The following PRMT3 variants were observed in gnomAD, a reference collection of about 807,000 sequenced individuals.
PRMT3 encodes protein arginine N-methyltransferase 3.
In PRMT3, 62 loss-of-function variants were observed where a neutral mutation model predicts 71.9. The observed-to-expected ratio is 0.86, with a 90% CI of 0.70 to 1.07. The LOEUF (loss-of-function observed/expected upper bound fraction) is 1.07. PRMT3 is among the 50% of genes least tolerant of loss of function. The pLI is 0.00. For synonymous variants in PRMT3, 213 were observed against 220.4 expected, an observed-to-expected ratio of 0.97 and a Z score of 0.30; for missense variants, 663 against 643.0, an observed-to-expected ratio of 1.03 and a Z score of -0.34.
chr11:20,467,858 T>G (rs1226774850), intron 13 of PRMT3, among the ~76,000 whole-genome samples: 1 of 152,204 alleles, frequency 6.6e-6, no homozygotes, highest in Non-Finnish European at 1.5e-5. Flanking sequence ...AGGTGTTCAT[T>G]ATTTGTGAAT....
At chr11:20,389,931 C>A in intron 3 of PRMT3, 105 bp downstream of exon 3, 1 of 795,206 alleles carries the variant, frequency 1.3e-6, no homozygotes. Flanking sequence ...GTGGGTGGAT[C>A]ACTTTAGGTC....
intron 10 of PRMT3, among the ~76,000 whole-genome samples, chr11:20,428,760 GGAAACACTA>G (rs1849597309): frequency 6.6e-6 from 1 of 152,178 alleles, no homozygotes; most frequent in Admixed American, 6.5e-5. Context: ...GAACCCAATG[GGAAACACTA>G]GAAACACTAA....
intron 13 of PRMT3, among the ~76,000 whole-genome samples, chr11:20,479,501 G>A (rs950757366): frequency 2.6e-5 from 4 of 152,110 alleles, no homozygotes; most frequent in African/African-American, 9.7e-5. Flanking sequence ...TGTGATAAGG[G>A]CATTCTAGTT....
In PRMT3 at chr11:20,407,899, T is replaced by G. The variant is rs1484341075; in HGVS notation, c.772-12T>G. ...CATCTGTTTTGTTTTGGTTTTTTCTTAATTACCCTAGGTAGTTTTGGATGT... is the reference window on the plus strand; with the variant it reads ...CATCTGTTTTGTTTTGGTTTTTTCTGAATTACCCTAGGTAGTTTTGGATGT... On this transcript the variant is annotated splice_polypyrimidine_tract_variant and intron_variant, in intron 8 of 15. Coordinates refer to ENST00000331079, the MANE Select transcript of PRMT3 (RefSeq NM_005788.4). 1.3e-6 allele frequency: 2 copies of G among 1,599,386 alleles called. No individual in the cohort carries two copies. The highest frequency in any genetic ancestry group is 4.5e-5 in the East Asian group (2 of 44,750).
In PRMT3 at chr11:20,392,922, C is replaced by T. The variant is rs1195061889; in HGVS notation, c.323C>T (p.Ser108Phe). 6.3e-7 allele frequency: 1 copy of T among 1,599,344 alleles called. No individual in the cohort carries two copies. Among genetic ancestry groups the T allele is most frequent in the Admixed American group, 1.7e-5 (1 of 59,900 alleles). ...LKNPTVEYMNSIYNPVPWEKE... is the reference protein window; with the variant it reads ...LKNPTVEYMNFIYNPVPWEKE... Reference sequence around the variant, plus strand: ...AATCCTACAGTTGAGTACATGAATTCCATATACAACCCAGTGCCTTGGGAG... The same window carrying T: ...AATCCTACAGTTGAGTACATGAATTTCATATACAACCCAGTGCCTTGGGAG... The change falls in exon 5 of 16, where the codon TCC becomes TTC. Residue 108 changes from serine (S) to phenylalanine (F), a missense_variant. Ser to Phe is a radical substitution (Grantham distance 155). Transcript: ENST00000331079.
rs1378493838 is a variant in PRMT3, at chr11:20,389,697, A to G, written c.165-47A>G. On this transcript the variant is annotated intron_variant, in intron 2 of 15. Coordinates refer to ENST00000331079, the MANE Select transcript of PRMT3 (RefSeq NM_005788.4). ...TATATGTAACATGAAATCAGTATTTAGACTTCTTAGGGGACTATTCCATGA... is the reference window on the plus strand; with the variant it reads ...TATATGTAACATGAAATCAGTATTTGGACTTCTTAGGGGACTATTCCATGA... 7.5e-6 allele frequency: 10 copies of G among 1,327,554 alleles called. No homozygotes were observed. The South Asian group carries it at 1.1e-4, about 15-fold the overall frequency. The allele number at this position is 1,327,554 out of a possible 1,614,324, so 82.2% of individuals were successfully genotyped here. A position where few individuals can be genotyped will look rare whatever the true frequency, so the allele number is the denominator to read the frequency against.
At chr11:20,488,861 A>T (rs954467022) in intron 13 of PRMT3, among the ~76,000 whole-genome samples, 18 of 152,206 alleles carry the variant, frequency 1.2e-4, no homozygotes, top group African/African-American at 4.3e-4. Context: ...TTACCTTTAT[A>T]CATATAAACA....
At position 20,464,502 on chromosome 11, in the gene PRMT3, T is replaced by C; in HGVS notation, c.1303T>C (p.Ser435Pro). 3 of 1,612,408 alleles carry C rather than the reference T, an allele frequency of 1.9e-6. No homozygotes were observed. Among genetic ancestry groups the C allele is most frequent in the Non-Finnish European group, 1.7e-6 (2 of 1,179,216 alleles). The stretch of plus-strand genomic sequence containing the variant: ...GACGTCTATCTCAGATTTGGAATTT[T>C]CATCAGATTTTACCCTGAAAATCAC... ...HTTSISDLEF[S>P]SDFTLKITRT... The change falls in exon 13 of 16, where the codon TCA becomes CCA. Residue 435 changes from serine (S) to proline (P), a missense_variant. Coordinates refer to ENST00000331079, the MANE Select transcript of PRMT3 (RefSeq NM_005788.4).
intron 9 of PRMT3, among the ~76,000 whole-genome samples, chr11:20,422,193 G>A (rs781553792): frequency 1.3e-4 from 20 of 152,228 alleles, no homozygotes; most frequent in Non-Finnish European, 2.5e-4. Context: ...TTCCCTGATT[G>A]TTAATTCTGA....
In PRMT3 at chr11:20,388,048, G is replaced by A; in HGVS notation, c.58G>A (p.Asp20Asn). Reference sequence around the variant, plus strand: ...CCGGGGCGCTGTGGAGAATGAGGAGGACCTGCCAGAACTGTCGGACAGCGG... The same window carrying A: ...CCGGGGCGCTGTGGAGAATGAGGAGAACCTGCCAGAACTGTCGGACAGCGG... Reference protein sequence around the residue: ...GGRGAVENEEDLPELSDSGDE... With the variant: ...GGRGAVENEENLPELSDSGDE... Residue 20 changes from aspartate (D) to asparagine (N), a missense_variant, in exon 2 of 16, where the codon GAC (aspartate) becomes AAC (asparagine). Transcript: ENST00000331079. 1 of 1,614,022 alleles carries A rather than the reference G, an allele frequency of 6.2e-7. No homozygotes were observed. The highest frequency in any genetic ancestry group is 8.5e-7 in the Non-Finnish European group (1 of 1,179,996).
chr11:20,499,533 A>T (rs1038353243), intron 15 of PRMT3, among the ~76,000 whole-genome samples: 3 of 152,216 alleles, frequency 2.0e-5, no homozygotes, highest in African/African-American at 7.2e-5. Context: ...AGGCTGAGGC[A>T]GGAGGATTGC....
chr11:20,407,645 T>G, intron 8 of PRMT3: 1 of 246,708 alleles, frequency 4.1e-6, no homozygotes, highest in Non-Finnish European at 7.9e-6. Context: ...ATCAGGATGG[T>G]TAGATTATCT....
intron 5 of PRMT3, among the ~76,000 whole-genome samples, chr11:20,394,347 G>A (rs991698971): frequency 1.3e-5 from 2 of 152,108 alleles, no homozygotes; most frequent in Non-Finnish European, 2.9e-5. Flanking sequence ...AATAATATCA[G>A]CAATAAGACT....
In PRMT3 at chr11:20,494,245, G is replaced by GT; in HGVS notation, c.1479dup (p.Lys494Ter). 1.3e-6 allele frequency: 2 copies of GT among 1,589,544 alleles called. No homozygotes were observed. Among genetic ancestry groups the GT allele is most frequent in the Non-Finnish European group, 8.6e-7 (1 of 1,158,092 alleles). ...ATTTCTACTGGAAAAACCATTTTCA[G>GT]TTAAAGCAGGTGAGAAAGAATAGTA... On this transcript the variant is annotated frameshift_variant, in exon 15 of 16. Transcript: ENST00000331079. LOFTEE classifies it high-confidence loss of function.
intron 13 of PRMT3, among the ~76,000 whole-genome samples, chr11:20,482,622 T>G (rs1850965892): frequency 6.6e-6 from 1 of 152,058 alleles, no homozygotes; most frequent in Non-Finnish European, 1.5e-5. Flanking sequence ...TCCTTTTTGA[T>G]TCAGCCGGTT....
intron 8 of PRMT3, among the ~76,000 whole-genome samples, chr11:20,404,304 G>A (rs549642277): frequency 8.3e-5 from 10 of 119,858 alleles, no homozygotes; most frequent in African/African-American, 2.9e-4. Flanking sequence ...CGCGATCTCC[G>A]TTCACTGCAA....
Position 20,392,900 on chromosome 11 carries a change from C to T in PRMT3, c.301C>T (p.Pro101Ser). 6.4e-7 allele frequency: 1 copy of T among 1,564,040 alleles called. No individual in the cohort carries two copies. The highest frequency in any genetic ancestry group is 8.8e-7 in the Non-Finnish European group (1 of 1,138,998). The change falls in exon 5 of 16, where the codon CCT becomes TCT. Residue 101 changes from proline (P) to serine (S), a missense_variant. Transcript: ENST00000331079. ...KLINFIRLKN[P>S]TVEYMNSIYN... Reference sequence around the variant, plus strand: ...ATGAGATTAATTTTATATCCAGAATCCTACAGTTGAGTACATGAATTCCAT... The same window carrying T: ...ATGAGATTAATTTTATATCCAGAATTCTACAGTTGAGTACATGAATTCCAT...
At chr11:20,451,798 T>A (rs2133386852) in intron 10 of PRMT3, among the ~76,000 whole-genome samples, 1 of 152,268 alleles carries the variant, frequency 6.6e-6, no homozygotes, top group South Asian at 2.1e-4. Flanking sequence ...AGATGGATAT[T>A]GCATCATTCC....
intron 15 of PRMT3, 87 bp from the exon 16 acceptor site, chr11:20,508,217 T>TAAAA: frequency 1.7e-6 from 1 of 572,826 alleles, no homozygotes; most frequent in Non-Finnish European, 3.1e-6. Context: ...AACATCACAA[T>TAAAA]AAAAAGAAGT....
Sources: gnomAD v4.1 joint callset for allele counts (sites outside exome capture counted in the v4.1 genomes callset) on GRCh38, gnomAD v4.1.1 for gene constraint, MANE v1.5 for transcripts, NCBI Gene and HGNC (gene_info 2026-07-23, HGNC 2026-07-21) for gene names.